KLHL32: variants seen among roughly 807,000 people sequenced by gnomAD.
The protein encoded by KLHL32 is kelch like family member 32.
Under a neutral mutation model 64.8 loss-of-function variants are expected in KLHL32, and 35 were observed. The ratio of observed to expected loss-of-function variants is 0.54; its 90% CI spans 0.41 to 0.72. KLHL32 has a LOEUF of 0.72. KLHL32 is among the 30% of genes least tolerant of loss of function. The pLI is 0.00. For synonymous variants in KLHL32, 259 were observed against 281.0 expected, an observed-to-expected ratio of 0.92 and a Z score of 0.78; for missense variants, 589 against 768.5, an observed-to-expected ratio of 0.77 and a Z score of 2.76.
intron 1 of KLHL32, among the ~76,000 whole-genome samples, chr6:96,948,863 C>A (rs1439881500): frequency 6.6e-6 from 1 of 152,022 alleles, no homozygotes; most frequent in Non-Finnish European, 1.5e-5. Flanking sequence ...ATACTCCACT[C>A]TCCTCCTCTT....
the KLHL32 span, among the ~76,000 whole-genome samples, chr6:96,911,821 C>CTTTTT: frequency 1.5e-4 from 8 of 53,522 alleles, no homozygotes; most frequent in Admixed American, 4.2e-4. Context: ...CTGCTCGGTC[C>CTTTTT]TTCTTTTTTT....
intron 2 of KLHL32, among the ~76,000 whole-genome samples, chr6:96,968,039 T>A (rs1398349645): frequency 6.6e-6 from 1 of 152,208 alleles, no homozygotes; most frequent in Non-Finnish European, 1.5e-5. Context: ...ACATTTTTCT[T>A]AAGAATTGGG....
chr6:96,917,024 AG>A, the KLHL32 span, among the ~76,000 whole-genome samples: 1 of 152,230 alleles, frequency 6.6e-6, no homozygotes. Context: ...CAACAACCTT[AG>A]GAGAACCCTA....
intron 3 of KLHL32, among the ~76,000 whole-genome samples, chr6:97,015,377 A>G (rs1341307907): frequency 1.3e-5 from 2 of 152,216 alleles, no homozygotes; most frequent in African/African-American, 4.8e-5. Flanking sequence ...AGCTCCCTAG[A>G]GACTTGTTGA....
At chr6:96,997,877 T>C (rs1265754489) in intron 3 of KLHL32, among the ~76,000 whole-genome samples, 3 of 152,174 alleles carry the variant, frequency 2.0e-5, no homozygotes, top group Non-Finnish European at 4.4e-5. Context: ...AAGGTAACAG[T>C]ACTGCTGATT....
chr6:96,915,387 A>C, the KLHL32 span, among the ~76,000 whole-genome samples: 1 of 152,186 alleles, frequency 6.6e-6, no homozygotes, highest in Admixed American at 6.5e-5. Flanking sequence ...AGATCTCACA[A>C]CCTAATGAAA....
rs6929708 is a variant in KLHL32 at position 97,071,351 on chromosome 6, T to A, written c.411+6625T>A. Among the ~76,000 whole-genome samples, 1,293 of 152,220 alleles carry A rather than the reference T, an allele frequency of 8.5e-3. 18 individuals are homozygous for A. The highest frequency in any genetic ancestry group is 0.028 in the African/African-American group (1,178 of 41,518). On this transcript the variant is annotated intron_variant, in intron 5 of 10. Transcript: ENST00000369261. Reference sequence around the variant, plus strand: ...CGGGAGCTGCATTCTTTCCTGCTCCTCTCTTTCTCGGGGCTCTCTCCTATT... The same window carrying A: ...CGGGAGCTGCATTCTTTCCTGCTCCACTCTTTCTCGGGGCTCTCTCCTATT...
chr6:97,045,965 T>C (rs887122231), intron 4 of KLHL32, among the ~76,000 whole-genome samples: 3 of 152,134 alleles, frequency 2.0e-5, no homozygotes, highest in African/African-American at 7.2e-5. Context: ...ATATATCTGG[T>C]GTAAGTGCCT....
At position 97,064,773 on chromosome 6, in the gene KLHL32, C is replaced by G. The variant is rs182994324; in HGVS notation, c.411+47C>G. On this transcript the variant is annotated intron_variant, in intron 5 of 10. Transcript: ENST00000369261. ...TCATACACCCTTCACATTCCTTTCC[C>G]CACAGTCATAAGCTGGCCCCCAACA... The G allele has an allele frequency of 2.2e-4, 325 of 1,478,048 alleles. 4 individuals carry two copies. The African/African-American group carries it at 3.9e-3, about 18-fold the overall frequency. The allele number at this position is 1,478,048 out of a possible 1,614,324, so 91.6% of individuals were successfully genotyped here.
At chr6:97,068,843 A>G (rs1300204618) in intron 5 of KLHL32, among the ~76,000 whole-genome samples, 1 of 152,206 alleles carries the variant, frequency 6.6e-6, no homozygotes, top group Non-Finnish European at 1.5e-5. Flanking sequence ...TGTAATGGCA[A>G]ATTACTCTAT....
intron 1 of KLHL32, among the ~76,000 whole-genome samples, chr6:96,964,565 A>G (rs1774237230): frequency 6.6e-6 from 1 of 152,168 alleles, no homozygotes; most frequent in Non-Finnish European, 1.5e-5. Context: ...AGGCAGGAGA[A>G]TGGCGTGAAC....
chr6:97,073,558 G>T (rs993136304), intron 5 of KLHL32, among the ~76,000 whole-genome samples: 1 of 152,012 alleles, frequency 6.6e-6, no homozygotes, highest in Non-Finnish European at 1.5e-5. Flanking sequence ...GAAACAATTG[G>T]AAAAGTCTTT....
At chr6:97,083,501 C>T (rs959485693) in intron 5 of KLHL32, among the ~76,000 whole-genome samples, 2 of 152,178 alleles carry the variant, frequency 1.3e-5, no homozygotes, top group African/African-American at 4.8e-5. Flanking sequence ...CTGCCTCCAC[C>T]GCCCTTGCTC....
At chr6:97,052,755 T>A (rs913612949) in intron 4 of KLHL32, among the ~76,000 whole-genome samples, 27 of 152,206 alleles carry the variant, frequency 1.8e-4, no homozygotes, top group African/African-American at 6.3e-4. Context: ...TTAAATATTT[T>A]AAATTTTATA....
At chr6:97,036,567 TGTG>T (rs1167384653) in intron 3 of KLHL32, among the ~76,000 whole-genome samples, 3 of 152,102 alleles carry the variant, frequency 2.0e-5, no homozygotes, top group Non-Finnish European at 4.4e-5. Flanking sequence ...GGGTGGGGTG[TGTG>T]GTGGTTCTTA....
At chr6:97,059,454 G>A (rs1788524909) in intron 4 of KLHL32, among the ~76,000 whole-genome samples, 1 of 152,186 alleles carries the variant, frequency 6.6e-6, no homozygotes, top group African/African-American at 2.4e-5. Context: ...GTATTGCTCA[G>A]ATGGAGCACT....
At chr6:97,113,021 A>G (rs113647437) in intron 6 of KLHL32, among the ~76,000 whole-genome samples, 2,137 of 151,572 alleles carry the variant, frequency 0.014, 43 homozygotes, top group African/African-American at 0.049. Context: ...AAAGGTTAGG[A>G]TTACATTCTG....
upstream of KLHL32, among the ~76,000 whole-genome samples, chr6:96,920,536 C>T (rs894840769): frequency 6.6e-6 from 1 of 151,992 alleles, no homozygotes. Flanking sequence ...CACCCCTCTC[C>T]TCCTGAGCCA....
Position 97,139,274 on chromosome 6 carries a change from A to T in KLHL32, c.1855A>T (p.Thr619Ser). The T allele has an allele frequency of 1.2e-6, 2 of 1,613,014 alleles. No homozygotes were observed. The highest frequency in any genetic ancestry group is 2.2e-5 in the South Asian group (2 of 90,848). ...TLQVPHHRIG[T>S]I ...TCAAGTGCCTCATCACAGGATTGGCACCATCTGAAAAGCCAAGCCATCATG... is the reference window on the plus strand; with the variant it reads ...TCAAGTGCCTCATCACAGGATTGGCTCCATCTGAAAAGCCAAGCCATCATG... Residue 619 changes from threonine to serine, a missense_variant, in exon 11 of 11, where the codon ACC becomes TCC. Physicochemically the swap from Thr to Ser is moderately conservative, Grantham distance 58 (BLOSUM62 1). Coordinates refer to ENST00000369261, the MANE Select transcript of KLHL32 (RefSeq NM_052904.4).
Sources: gnomAD v4.1 joint callset for allele counts (sites outside exome capture counted in the v4.1 genomes callset) on GRCh38, gnomAD v4.1.1 for gene constraint, MANE v1.5 for transcripts, NCBI Gene and HGNC (gene_info 2026-07-23, HGNC 2026-07-21) for gene names.